CARMIL2: variants seen among roughly 807,000 people sequenced by gnomAD.
CARMIL2 encodes capping protein, Arp2/3 and myosin-I linker protein 2.
In CARMIL2, 96 loss-of-function variants were observed where a neutral mutation model predicts 173.3. The observed-to-expected ratio is 0.55, with a 90% CI of 0.47 to 0.66. CARMIL2 has a LOEUF of 0.66. Among genes scored for constraint, CARMIL2 ranks in the 30% least tolerant of loss-of-function variants. The pLI is 0.00. For synonymous variants in CARMIL2, 830 were observed against 817.1 expected, an observed-to-expected ratio of 1.02 and a Z score of -0.27; for missense variants, 1,771 against 1,906.7, an observed-to-expected ratio of 0.93 and a Z score of 1.33.
chr16:67,652,327 G>A lies in CARMIL2; in HGVS notation c.2805G>A (p.Glu935=), dbSNP rs1245381410. ...EGLFFPEEKE[E]EKEKDDSPPQ... The stretch of plus-strand genomic sequence containing the variant: ...TTTTCTTCCCCGAGGAGAAGGAAGA[G>A]GAGAAGGAGAAGGTAAGTGGTTTTA... The change falls in exon 27 of 38, where the codon GAG becomes GAA. Residue 935 remains glutamate (E), a synonymous_variant. Transcript: ENST00000334583. The surrounding 1 kb of genome is among the most constrained non-coding windows in gnomAD (Gnocchi z 4.7). The A allele has an allele frequency of 2.5e-6, 4 of 1,612,808 alleles. No homozygotes were observed. The highest frequency in any genetic ancestry group is 3.3e-5 in the Admixed American group (2 of 59,968).
Position 67,652,597 on chromosome 16 carries a change from TG to T in CARMIL2, c.2884+63del, listed in dbSNP as rs1555540423. The T allele has an allele frequency of 2.6e-6, 4 of 1,533,592 alleles. No individual in the cohort carries two copies. The African/African-American group carries it at 5.5e-5, about 21-fold the overall frequency. 95.0% of individuals were successfully genotyped at this position (1,533,592 alleles called of 1,614,324 possible). ...GGGTGGGCTGAAGCTCCATTAGACT[TG>T]GGGACCCGGGGACCTGGATGAACTC... On this transcript the variant is annotated intron_variant, in intron 28 of 37. Coordinates refer to ENST00000334583, the MANE Select transcript of CARMIL2 (RefSeq NM_001013838.3). The surrounding 1 kb of genome is among the most constrained non-coding windows in gnomAD (Gnocchi z 4.7).
rs751033402 is a variant in CARMIL2, at chr16:67,648,294, G to C, written c.1314G>C (p.Ser438=). ...CCAGCCTTACCCACCTCGACGCTTC[G>C]AGGAACGTCTTCTCCCGCACGTAAG... is the stretch of plus-strand genomic sequence containing the variant. ...CCTSLTHLDA[S]RNVFSRTKSR... Residue 438 remains serine (S), a synonymous_variant, in exon 14 of 38, where the codon TCG becomes TCC. Coordinates refer to ENST00000334583, the MANE Select transcript of CARMIL2 (RefSeq NM_001013838.3). The surrounding 1 kb of genome is among the most constrained non-coding windows in gnomAD (Gnocchi z 6.1). 2.5e-6 allele frequency: 4 copies of C among 1,592,810 alleles called. No individual in the cohort carries two copies. Among genetic ancestry groups the C allele is most frequent in the Non-Finnish European group, 3.4e-6 (4 of 1,176,354 alleles).
At position 67,651,926 on chromosome 16, in the gene CARMIL2, T is replaced by C. The variant is rs967274717; in HGVS notation, c.2594T>C (p.Met865Thr). ...CTGTCCTCTCCTGCCCTTAGGGACA[T>C]GCGGCTATCAATCACGGGGACCTTG... is the stretch of plus-strand genomic sequence containing the variant. ...LQDAFTRLRDMRLSITGTLAE... is the reference protein window; with the variant it reads ...LQDAFTRLRDTRLSITGTLAE... The change falls in exon 26 of 38, where the codon ATG becomes ACG. Residue 865 changes from methionine to threonine, a missense_variant. Coordinates refer to ENST00000334583, the MANE Select transcript of CARMIL2 (RefSeq NM_001013838.3). The surrounding 1 kb of genome is among the most constrained non-coding windows in gnomAD (Gnocchi z 4.2). The C allele has an allele frequency of 1.9e-6, 3 of 1,613,474 alleles. No individual in the cohort carries two copies. The highest frequency in any genetic ancestry group is 1.6e-4 in the Middle Eastern group (1 of 6,062).
chr16:67,649,282 A>C lies in CARMIL2; in HGVS notation c.1717A>C (p.Ile573Leu), dbSNP rs766019592. The C allele has an allele frequency of 6.2e-7, 1 of 1,613,170 alleles. No homozygotes were observed. The highest frequency in any genetic ancestry group is 8.5e-7 in the Non-Finnish European group (1 of 1,179,728). ...KETLDDVLHR[I>L]VQLMQDDDCP... ...GACCCTGGACGACGTCCTGCACCGG[A>C]TTGTCCAGCTCATGCAGGACGACGA... Residue 573 changes from isoleucine (I) to leucine (L), a missense_variant, in exon 19 of 38, where the codon ATT becomes CTT. This residue lies in a region of CARMIL2 where 944 missense variants were observed against 975.6 expected (regional missense o/e 0.97). Transcript: ENST00000334583. The surrounding 1 kb of genome is among the most constrained non-coding windows in gnomAD (Gnocchi z 6.7).
rs1257723228 is a variant in CARMIL2 at position 67,656,755 on chromosome 16, G to C, written c.4037-46G>C. 1.9e-6 allele frequency: 3 copies of C among 1,552,826 alleles called. No homozygotes were observed. In the South Asian group the frequency reaches 3.5e-5, roughly 18 times the overall value. On this transcript the variant is annotated intron_variant, in intron 35 of 37. Coordinates refer to ENST00000334583, the MANE Select transcript of CARMIL2 (RefSeq NM_001013838.3). ...CTGAGGGTGGGAGGCAAGGGCTGGA[G>C]TGGGGGCAGCTGTTGGAATACCCCT...
chr16:67,648,492 G>T lies in CARMIL2; in HGVS notation c.1429G>T (p.Asp477Tyr), dbSNP rs925043435. 3 of 1,439,042 alleles carry T rather than the reference G, an allele frequency of 2.1e-6. No individual in the cohort carries two copies. Among genetic ancestry groups the T allele is most frequent in the Non-Finnish European group, 2.7e-6 (3 of 1,102,512 alleles). 89.1% of individuals were successfully genotyped at this position (1,439,042 alleles called of 1,614,324 possible). The change falls in exon 15 of 38, where the codon GAC becomes TAC. Residue 477 changes from aspartate (D) to tyrosine (Y), a missense_variant. This residue lies in a region of CARMIL2 where 944 missense variants were observed against 975.6 expected (regional missense o/e 0.97). Coordinates refer to ENST00000334583, the MANE Select transcript of CARMIL2 (RefSeq NM_001013838.3). This position sits in a 1 kb window ranked among gnomAD's most constrained non-coding sequence, Gnocchi z 6.1. ...CCTGGCGGGCTGCAAGCTGCCGCCC[G>T]ACGCGCTCAGGTCAGTGTCGGACCC... ...LGLAGCKLPP[D>Y]ALRALLDGLA...
At chr16:67,656,757 G>C (rs534018975) in intron 35 of CARMIL2, 44 bp from the exon 36 acceptor site, 3 of 1,549,144 alleles carry the variant, frequency 1.9e-6, no homozygotes, top group South Asian at 1.2e-5. Context: ...GGGCTGGAGT[G>C]GGGGCAGCTG....
chr16:67,656,768 T>C, intron 35 of CARMIL2, 33 bp from the exon 36 acceptor site: 2 of 1,552,148 alleles, frequency 1.3e-6, no homozygotes, highest in Non-Finnish European at 1.7e-6. Flanking sequence ...GGGGCAGCTG[T>C]TGGAATACCC....
intron 33 of CARMIL2, 45 bp downstream of exon 33, chr16:67,656,112 T>A (rs764446935): frequency 3.7e-6 from 6 of 1,610,754 alleles, no homozygotes; most frequent in Non-Finnish European, 5.1e-6. Context: ...CCAGGAGGTG[T>A]CCTTATAGAC....
chr16:67,647,783 AG>A lies in CARMIL2; in HGVS notation c.958+22del, dbSNP rs753199208. ...CACCGCGAGGTAGGCTGGATGAGGG[AG>A]GGGGTGAGGGGAGGGGGGTGGGGGT... On this transcript the variant is annotated intron_variant, in intron 12 of 37. Coordinates refer to ENST00000334583, the MANE Select transcript of CARMIL2 (RefSeq NM_001013838.3). 1 of 197,794 alleles carries A rather than the reference AG, an allele frequency of 5.1e-6. No individual in the cohort carries two copies. The highest frequency in any genetic ancestry group is 2.8e-4 in the East Asian group (1 of 3,590). The allele number at this position is 197,794 out of a possible 1,614,324, so 12.3% of individuals were successfully genotyped here.
In CARMIL2 at chr16:67,648,669, T is replaced by C; in HGVS notation, c.1440-16T>C. 6.3e-7 allele frequency: 1 copy of C among 1,598,686 alleles called. No homozygotes were observed. Among genetic ancestry groups the C allele is most frequent in the Non-Finnish European group, 8.5e-7 (1 of 1,173,158 alleles). Reference sequence around the variant, plus strand: ...CTGTCCCAGCTCCCGCCACCCCGTGTAACGTCCTCTCCCAGAGCCCTTTTG... The same window carrying C: ...CTGTCCCAGCTCCCGCCACCCCGTGCAACGTCCTCTCCCAGAGCCCTTTTG... On this transcript the variant is annotated splice_polypyrimidine_tract_variant and intron_variant, in intron 15 of 37. Transcript: ENST00000334583. The surrounding 1 kb of genome is among the most constrained non-coding windows in gnomAD (Gnocchi z 6.1).
chr16:67,655,673 T>A (rs1470318146), intron 32 of CARMIL2, among the ~76,000 whole-genome samples: 1 of 152,150 alleles, frequency 6.6e-6, no homozygotes, highest in Non-Finnish European at 1.5e-5. Context: ...AATTGTGGGT[T>A]ACGCCAGGTC....
Position 67,648,650 on chromosome 16 carries a change from C to G in CARMIL2, c.1440-35C>G. 8 of 1,581,474 alleles carry G rather than the reference C, an allele frequency of 5.1e-6. No homozygotes were observed. Among genetic ancestry groups the G allele is most frequent in the Non-Finnish European group, 6.0e-6 (7 of 1,163,242 alleles). On this transcript the variant is annotated intron_variant, in intron 15 of 37. Coordinates refer to ENST00000334583, the MANE Select transcript of CARMIL2 (RefSeq NM_001013838.3). This position sits in a 1 kb window ranked among gnomAD's most constrained non-coding sequence, Gnocchi z 6.1. The stretch of plus-strand genomic sequence containing the variant: ...GTTCGCACCCTGGAGCCCCCTGTCC[C>G]AGCTCCCGCCACCCCGTGTAACGTC...
chr16:67,647,572 A>G lies in CARMIL2; in HGVS notation c.841A>G (p.Ser281Gly), dbSNP rs2052619374. 1 of 1,611,060 alleles carries G rather than the reference A, an allele frequency of 6.2e-7. No individual in the cohort carries two copies. The highest frequency in any genetic ancestry group is 1.3e-5 in the African/African-American group (1 of 74,834). The change falls in exon 11 of 38, where the codon AGC becomes GGC. Residue 281 changes from serine (S) to glycine (G), a missense_variant. Physicochemically the swap from Ser to Gly is moderately conservative, Grantham distance 56 (BLOSUM62 0). Around this residue, in one of 3 missense-constraint regions of CARMIL2, gnomAD observed 944 missense variants for 975.6 expected, o/e 0.97. Coordinates refer to ENST00000334583, the MANE Select transcript of CARMIL2 (RefSeq NM_001013838.3). ...CTCAAGCTCTGGGCTGCGGGAGCTCAGCCTCGCGGGGAACCTGCTGGATGA... is the reference window on the plus strand; with the variant it reads ...CTCAAGCTCTGGGCTGCGGGAGCTCGGCCTCGCGGGGAACCTGCTGGATGA... ...GHSSSGLRELSLAGNLLDDRG... is the reference protein window; with the variant it reads ...GHSSSGLRELGLAGNLLDDRG...
In CARMIL2 at chr16:67,646,542, G is replaced by T; in HGVS notation, c.466+25G>T. ...GGTAAGGGTGAAGGCAGAGCCACAG[G>T]CCTTCCAGCCTGCCCCACCTCTGCC... On this transcript the variant is annotated intron_variant, in intron 6 of 37. Coordinates refer to ENST00000334583, the MANE Select transcript of CARMIL2 (RefSeq NM_001013838.3). This position sits in a 1 kb window ranked among gnomAD's most constrained non-coding sequence, Gnocchi z 4.6. 6.2e-7 allele frequency: 1 copy of T among 1,606,182 alleles called. No individual in the cohort carries two copies. The highest frequency in any genetic ancestry group is 8.5e-7 in the Non-Finnish European group (1 of 1,175,122).
Position 67,657,140 on chromosome 16 carries a change from G to A in CARMIL2, c.4118-99G>A. 2 of 1,057,700 alleles carry A rather than the reference G, an allele frequency of 1.9e-6. No individual in the cohort carries two copies. Among genetic ancestry groups the A allele is most frequent in the Admixed American group, 2.0e-5 (1 of 49,056 alleles). 65.5% of individuals were successfully genotyped at this position (1,057,700 alleles called of 1,614,324 possible). A position where few individuals can be genotyped will look rare whatever the true frequency, so the allele number is the denominator to read the frequency against. On this transcript the variant is annotated intron_variant, in intron 36 of 37. Coordinates refer to ENST00000334583, the MANE Select transcript of CARMIL2 (RefSeq NM_001013838.3). This position sits in a 1 kb window ranked among gnomAD's most constrained non-coding sequence, Gnocchi z 4.5. ...ATGCTCTGAAGGCAGCAGTGTGTGT[G>A]AGTGCATGCTTATGTGCACTGGAGG...
chr16:67,645,177 TC>T lies in CARMIL2; in HGVS notation c.-68del. 1 of 1,298,714 alleles carries T rather than the reference TC, an allele frequency of 7.7e-7. No individual in the cohort carries two copies. The highest frequency in any genetic ancestry group is 1.1e-6 in the Non-Finnish European group (1 of 930,190). 80.4% of individuals were successfully genotyped at this position (1,298,714 alleles called of 1,614,324 possible). On this transcript the variant is annotated 5_prime_UTR_variant, in exon 1 of 38. Coordinates refer to ENST00000334583, the MANE Select transcript of CARMIL2 (RefSeq NM_001013838.3). ...GCCGTGCGGGTCTGGGCCCCAGGCT[TC>T]CTGTGTGCGCGCTCGTCCTCTGCTG...
Position 67,657,438 on chromosome 16 carries a change from CAGCCCACAG to C in CARMIL2, c.4234_4242del (p.Thr1412_Pro1414del), listed in dbSNP as rs1567638895. 4 of 1,610,150 alleles carry C rather than the reference CAGCCCACAG, an allele frequency of 2.5e-6. No homozygotes were observed. The Admixed American group carries it at 6.7e-5, about 27-fold the overall frequency. On this transcript the variant is annotated inframe_deletion, in exon 38 of 38. Coordinates refer to ENST00000334583, the MANE Select transcript of CARMIL2 (RefSeq NM_001013838.3). The surrounding 1 kb of genome is among the most constrained non-coding windows in gnomAD (Gnocchi z 4.5). ...CCTTGGAACCGAGCCTCTGCCCCCACAGCCCACAGAGCCCTCCAGCCCTGAGCGGAGCCC... is the reference window on the plus strand; with the variant it reads ...CCTTGGAACCGAGCCTCTGCCCCCACAGCCCTCCAGCCCTGAGCGGAGCCC...
In CARMIL2 at chr16:67,647,201, T is replaced by C. The variant is rs757728413; in HGVS notation, c.687+10T>C. ...TGTGGACATGAAGCTGGTGAGGGGGTTCGGGGTAAGGGCAGGGAGGGGCCA... is the reference window on the plus strand; with the variant it reads ...TGTGGACATGAAGCTGGTGAGGGGGCTCGGGGTAAGGGCAGGGAGGGGCCA... On this transcript the variant is annotated intron_variant, in intron 9 of 37. Transcript: ENST00000334583. The C allele has an allele frequency of 1.2e-6, 2 of 1,613,306 alleles. No homozygotes were observed. Among genetic ancestry groups the C allele is most frequent in the Admixed American group, 1.7e-5 (1 of 59,994 alleles).
Sources: gnomAD v4.1 joint callset for allele counts (sites outside exome capture counted in the v4.1 genomes callset) on GRCh38, gnomAD v4.1.1 for gene constraint, gnomAD v4.1.1 regional missense constraint, Gnocchi (gnomAD v3.1) non-coding constraint, MANE v1.5 for transcripts, NCBI Gene and HGNC (gene_info 2026-07-23, HGNC 2026-07-21) for gene names.